TBC1D5: variants seen among roughly 807,000 people sequenced by gnomAD.
TBC1D5 encodes TBC1 domain family, member 5.
TBC1D5 carries 75 observed loss-of-function variants against 100.3 expected under a neutral mutation model. The observed-to-expected ratio is 0.75, with a 90% CI of 0.62 to 0.91. TBC1D5 has a LOEUF of 0.91. TBC1D5 is among the 40% of genes least tolerant of loss of function. TBC1D5 has a pLI of 0.00. For missense variants in TBC1D5, 910 were observed against 942.4 expected (o/e 0.97, Z 0.45); for synonymous variants, 323 against 325.6 (o/e 0.99, Z 0.09).
At chr3:17,317,813 G>A (rs962295506) in intron 13 of TBC1D5, among the ~76,000 whole-genome samples, 29 of 152,092 alleles carry the variant, frequency 1.9e-4, no homozygotes, top group Admixed American at 1.9e-3. Flanking sequence ...GTGGAAGTCG[G>A]TGTGGCGATT....
intron 3 of TBC1D5, among the ~76,000 whole-genome samples, chr3:17,452,964 T>A (rs1376719183): frequency 6.6e-6 from 1 of 151,336 alleles, no homozygotes; most frequent in African/African-American, 2.4e-5. Flanking sequence ...AAGCATCTTC[T>A]CTAACCACAA....
At chr3:17,401,648 C>T (rs2093654433) in intron 8 of TBC1D5, among the ~76,000 whole-genome samples, 1 of 152,018 alleles carries the variant, frequency 6.6e-6, no homozygotes, top group Admixed American at 6.6e-5. Context: ...TGACTCGGCA[C>T]CAGCGCTGTG....
intron 1 of TBC1D5, among the ~76,000 whole-genome samples, chr3:17,705,007 C>T (rs1397673131): frequency 4.1e-5 from 5 of 122,250 alleles, no homozygotes; most frequent in East Asian, 2.7e-4. Context: ...GAGGGCTGAC[C>T]CCCCCACCTC....
Position 17,284,123 on chromosome 3 carries a change from CGT to C in TBC1D5, c.1245+7770_1245+7771del, listed in dbSNP as rs1491161112. Among the ~76,000 whole-genome samples, 102 of 150,806 alleles carry C rather than the reference CGT, an allele frequency of 6.8e-4. 1 individual carries two copies. In the South Asian group the frequency reaches 0.015, roughly 22 times the overall value. ...ACACACACACACACACACACACACA[CGT>C]ATTTTTAATTTAGACAGAGTCTTGG... On this transcript the variant is annotated intron_variant, in intron 15 of 21. Coordinates refer to ENST00000253692, the Ensembl canonical transcript of TBC1D5.
At chr3:17,244,527 CTCTT>C (rs1178481569) in intron 16 of TBC1D5, among the ~76,000 whole-genome samples, 1 of 152,022 alleles carries the variant, frequency 6.6e-6, no homozygotes, top group Non-Finnish European at 1.5e-5. Flanking sequence ...CTTTTCCCTT[CTCTT>C]TCTTTCATAG....
intron 1 of TBC1D5, among the ~76,000 whole-genome samples, chr3:17,708,285 G>C (rs4431138): frequency 0.52 from 78,638 of 151,966 alleles, 22,082 homozygotes; most frequent in East Asian, 0.98. Context: ...TGTATCTATC[G>C]ATCTACTTTG....
At chr3:17,191,526 T>G (rs963427067) in intron 18 of TBC1D5, among the ~76,000 whole-genome samples, 1 of 152,220 alleles carries the variant, frequency 6.6e-6, no homozygotes, top group Non-Finnish European at 1.5e-5. Flanking sequence ...CATATGGGCA[T>G]AGGCACCTCA....
chr3:17,303,706 T>C (rs1196601336), intron 14 of TBC1D5, among the ~76,000 whole-genome samples: 2 of 152,180 alleles, frequency 1.3e-5, no homozygotes, highest in East Asian at 1.9e-4. Context: ...CCCTAATCTT[T>C]TCCTGGCTGT....
At chr3:17,685,833 T>C (rs2070191744) in intron 1 of TBC1D5, among the ~76,000 whole-genome samples, 2 of 152,150 alleles carry the variant, frequency 1.3e-5, no homozygotes, top group African/African-American at 4.8e-5. Context: ...ACAGCCTTTC[T>C]GACAGTTTTC....
intron 2 of TBC1D5, among the ~76,000 whole-genome samples, chr3:17,545,670 T>C (rs2096407724): frequency 6.6e-6 from 1 of 152,176 alleles, no homozygotes; most frequent in Non-Finnish European, 1.5e-5. Context: ...TGGTGTTTTT[T>C]TCAATGTTCA....
chr3:17,171,579 C>T (rs903251892), intron 19 of TBC1D5, among the ~76,000 whole-genome samples: 3 of 152,104 alleles, frequency 2.0e-5, no homozygotes, highest in Non-Finnish European at 2.9e-5. Flanking sequence ...CTCCAGTCTT[C>T]GCATCCATTA....
In TBC1D5 at chr3:17,369,394, C is replaced by CT. The variant is rs1047518449; in HGVS notation, c.995+2680dup. Reference sequence around the variant, plus strand: ...AATGTATACTACATACTGAGTACTACTTTTTTTTGTATATTATGATTTAAT... The same window carrying CT: ...AATGTATACTACATACTGAGTACTACTTTTTTTTTGTATATTATGATTTAAT... On this transcript the variant is annotated intron_variant, in intron 13 of 21. Coordinates refer to ENST00000253692, the Ensembl canonical transcript of TBC1D5. Among the ~76,000 whole-genome samples the CT allele has an allele frequency of 8.5e-5, 13 of 152,052 alleles. No homozygotes were observed. In the East Asian group the frequency reaches 1.4e-3, roughly 16 times the overall value.
chr3:17,374,538 G>A (rs1282637937), exon 12 of TBC1D5: 1 of 1,611,276 alleles, frequency 6.2e-7, no homozygotes, highest in Non-Finnish European at 8.5e-7. Flanking sequence ...TGAGAACACT[G>A]CACTAAAAAT....
At chr3:17,220,946 T>A (rs185860725) in intron 17 of TBC1D5, among the ~76,000 whole-genome samples, 3 of 152,274 alleles carry the variant, frequency 2.0e-5, no homozygotes, top group Non-Finnish European at 4.4e-5. Context: ...CTTCAAAGTT[T>A]GGATTATTGA....
chr3:17,598,825 C>T (rs1211217162), intron 2 of TBC1D5, among the ~76,000 whole-genome samples: 3 of 152,208 alleles, frequency 2.0e-5, no homozygotes, highest in Non-Finnish European at 4.4e-5. Context: ...CACTTTCCAT[C>T]ACTTACTTTA....
chr3:17,616,612 T>C (rs997148875), intron 2 of TBC1D5, among the ~76,000 whole-genome samples: 2 of 152,248 alleles, frequency 1.3e-5, no homozygotes, highest in Non-Finnish European at 2.9e-5. Flanking sequence ...TTAGCTCTTC[T>C]TGTTGAATTG....
chr3:17,211,328 T>C (rs1057404211), intron 18 of TBC1D5, among the ~76,000 whole-genome samples: 6 of 152,234 alleles, frequency 3.9e-5, no homozygotes, highest in African/African-American at 1.4e-4. Flanking sequence ...TGAAGGGCTA[T>C]ACATACTGGT....
chr3:17,210,408 G>T (rs932356521), intron 18 of TBC1D5, among the ~76,000 whole-genome samples: 1 of 151,578 alleles, frequency 6.6e-6, no homozygotes, highest in South Asian at 2.1e-4. Context: ...GGCTGGTCTC[G>T]AACTCCTGAC....
At chr3:17,187,574 G>A (rs2069292882) in intron 18 of TBC1D5, among the ~76,000 whole-genome samples, 1 of 152,190 alleles carries the variant, frequency 6.6e-6, no homozygotes, top group Non-Finnish European at 1.5e-5. Context: ...TCTATGATGG[G>A]AGTACTAGAT....
Sources: allele counts gnomAD v4.1 joint callset (sites outside exome capture counted in the v4.1 genomes callset), GRCh38; gene constraint gnomAD v4.1.1; transcripts MANE v1.5; gene names NCBI Gene and HGNC (gene_info 2026-07-23, HGNC 2026-07-21).